PABPC4: variants seen among roughly 807,000 people sequenced by gnomAD.
The protein encoded by PABPC4 is poly(A) binding protein cytoplasmic 4.
In PABPC4, 15 loss-of-function variants were observed where a neutral mutation model predicts 74.5. The observed-to-expected ratio is 0.20, with a 90% CI of 0.13 to 0.31. The LOEUF is 0.31. PABPC4 is among the 10% of genes least tolerant of loss of function. PABPC4 has a pLI of 1.00. For synonymous variants in PABPC4, 345 were observed against 303.0 expected (o/e 1.14, Z -1.44); for missense variants, 610 against 853.5 (o/e 0.71, Z 3.55).
rs199817469 is a variant in PABPC4, at chr1:39,561,692, C to A, written c.*6G>T. 2 of 1,609,570 alleles carry A rather than the reference C, an allele frequency of 1.2e-6. No individual in the cohort carries two copies. Among genetic ancestry groups the A allele is most frequent in the South Asian group, 2.2e-5 (2 of 90,870 alleles). ...GAAAATAGCCACACATACGGTTTTT[C>A]CTTGTCTAAGAGGTAGCAGCAGCAA... On this transcript the variant is annotated 3_prime_UTR_variant, in exon 15 of 16. Transcript: ENST00000372858.
At chr1:39,571,098 A>G in intron 3 of PABPC4, 136 bp downstream of exon 3, 1 of 1,541,592 alleles carries the variant, frequency 6.5e-7, no homozygotes, top group Non-Finnish European at 8.7e-7. Flanking sequence ...GAGACTCACC[A>G]GCCCTGGAGT....
In PABPC4 at chr1:39,567,832, G is replaced by A. The variant is rs1645872323; in HGVS notation, c.891C>T (p.Tyr297=). Residue 297 remains tyrosine, a synonymous_variant, in exon 7 of 16, where the codon TAC becomes TAT. Coordinates refer to ENST00000372858, the MANE Select transcript of PABPC4 (RefSeq NM_001135653.2). ...RISRYQGVNL[Y]IKNLDDTIDD... ...CAATAGTGTCATCCAAGTTCTTAAT[G>A]TAGAGATTCACCCCCTGAAGGAAAA... is the stretch of plus-strand genomic sequence containing the variant. 4.4e-6 allele frequency: 7 copies of A among 1,579,850 alleles called. No homozygotes were observed. Among genetic ancestry groups the A allele is most frequent in the Non-Finnish European group, 6.1e-6 (7 of 1,149,120 alleles).
chr1:39,570,597 G>A (rs1557718724), intron 3 of PABPC4: 3 of 154,542 alleles, frequency 1.9e-5, no homozygotes, highest in African/African-American at 7.2e-5. Flanking sequence ...AAGACTTATT[G>A]TCTCTTCTTC....
intron 6 of PABPC4, chr1:39,568,070 A>G (rs1167369261): frequency 5.4e-6 from 2 of 372,416 alleles, no homozygotes; most frequent in East Asian, 1.2e-4. Flanking sequence ...ATCCTGGCTA[A>G]CACAGTGAAA....
In PABPC4 at chr1:39,575,850, C is replaced by T. The variant is rs1646018214; in HGVS notation, c.102G>A (p.Ala34=). The T allele has an allele frequency of 6.2e-7, 1 of 1,612,338 alleles. No individual in the cohort carries two copies. The highest frequency in any genetic ancestry group is 1.7e-5 in the Admixed American group (1 of 59,956). The part of the protein sequence containing the change: ...EAMLYEKFSP[A]GPVLSIRVCR... ...AGACCCGGATGGACAGCACAGGCCC[C>T]GCGGGGCTGAACTTTTCGTACAGCA... The change falls in exon 1 of 16, where the codon GCG becomes GCA. Residue 34 remains alanine (A), a synonymous_variant. Coordinates refer to ENST00000372858, the MANE Select transcript of PABPC4 (RefSeq NM_001135653.2).
chr1:39,571,247 T>C lies in PABPC4; in HGVS notation c.490A>G (p.Asn164Asp). The C allele has an allele frequency of 1.2e-6, 2 of 1,614,008 alleles. No homozygotes were observed. Among genetic ancestry groups the C allele is most frequent in the Non-Finnish European group, 1.7e-6 (2 of 1,179,976 alleles). The change falls in exon 3 of 16, where the codon AAT (asparagine) becomes GAT (aspartate). Residue 164 changes from asparagine to aspartate, a missense_variant. Asn to Asp is a conservative substitution (Grantham distance 23). This residue lies in a region of PABPC4 where 304 missense variants were observed against 478.9 expected (regional missense o/e 0.63). Transcript: ENST00000372858. ...TGGGACACTCACACTTTGCGGTCATTGAGGAGCATGCCATTCATCTTCTCG... is the reference window on the plus strand; with the variant it reads ...TGGGACACTCACACTTTGCGGTCATCGAGGAGCATGCCATTCATCTTCTCG... ...AIEKMNGMLLNDRKVFVGRFK... is the reference protein window; with the variant it reads ...AIEKMNGMLLDDRKVFVGRFK...
At chr1:39,569,545 C>G in intron 5 of PABPC4, 50 bp downstream of exon 5, 1 of 1,415,258 alleles carries the variant, frequency 7.1e-7, no homozygotes. Context: ...CCTACCCATA[C>G]TCTGGGGCAA....
rs780535271 is a variant in PABPC4 at position 39,575,979 on chromosome 1, C to A, written c.-28G>T. On this transcript the variant is annotated 5_prime_UTR_variant, in exon 1 of 16. Coordinates refer to ENST00000372858, the MANE Select transcript of PABPC4 (RefSeq NM_001135653.2). ...CCCCGCCCCCCACCACCCCGAGCCC[C>A]GCCAGGAGGACTTCTTATCGGGCCC... The A allele has an allele frequency of 6.3e-6, 9 of 1,437,392 alleles. No individual in the cohort carries two copies. In the East Asian group the frequency reaches 2.2e-4, roughly 36 times the overall value. The allele number at this position is 1,437,392 out of a possible 1,614,324, so 89.0% of individuals were successfully genotyped here. A position where few individuals can be genotyped will look rare whatever the true frequency, so the allele number is the denominator to read the frequency against.
intron 1 of PABPC4, among the ~76,000 whole-genome samples, chr1:39,575,041 G>A (rs555288304): frequency 1.3e-5 from 2 of 152,180 alleles, no homozygotes; most frequent in African/African-American, 2.4e-5. Flanking sequence ...CACTGTTACA[G>A]CTGAGGTGAC....
At chr1:39,561,341 A>G (rs935560124) in intron 15 of PABPC4, 24 of 346,234 alleles carry the variant, frequency 6.9e-5, no homozygotes, top group African/African-American at 5.1e-4. Flanking sequence ...GAGGCCCTTG[A>G]CAAGAGGGTC....
intron 6 of PABPC4, chr1:39,568,528 C>CAAAT: frequency 2.9e-6 from 1 of 346,374 alleles, no homozygotes; most frequent in African/African-American, 2.1e-5. Flanking sequence ...AAAGGAGTCT[C>CAAAT]ATTTAAGTAA....
chr1:39,565,677 A>C (rs1645825963), intron 7 of PABPC4, among the ~76,000 whole-genome samples: 1 of 152,050 alleles, frequency 6.6e-6, no homozygotes, highest in Non-Finnish European at 1.5e-5. Context: ...AAAATACAAA[A>C]ATCAGCTGGG....
At chr1:39,575,492 T>A (rs1199877753) in intron 1 of PABPC4, among the ~76,000 whole-genome samples, 2 of 152,196 alleles carry the variant, frequency 1.3e-5, no homozygotes, top group African/African-American at 4.8e-5. Context: ...ACTCTAATCC[T>A]GTTTTACAGT....
intron 1 of PABPC4, among the ~76,000 whole-genome samples, chr1:39,574,385 G>T (rs779715665): frequency 2.0e-5 from 3 of 152,384 alleles, no homozygotes; most frequent in Non-Finnish European, 4.4e-5. Flanking sequence ...AGCCGGCTTA[G>T]TCTGACAAAT....
At chr1:39,566,138 C>CA (rs538634568) in intron 7 of PABPC4, among the ~76,000 whole-genome samples, 118 of 152,262 alleles carry the variant, frequency 7.7e-4, no homozygotes, top group African/African-American at 2.6e-3. Context: ...ACCAGGAACT[C>CA]AAAGATGTTT....
At chr1:39,571,396 G>A in intron 2 of PABPC4, 47 bp from the exon 3 acceptor site, 2 of 1,609,254 alleles carry the variant, frequency 1.2e-6, no homozygotes, top group South Asian at 1.1e-5. Context: ...GCCAGCTCCT[G>A]AGACATGAGA....
At position 39,564,492 on chromosome 1, in the gene PABPC4, G is replaced by C; in HGVS notation, c.1384C>G (p.Leu462Val). The C allele has an allele frequency of 6.2e-7, 1 of 1,614,250 alleles. No individual in the cohort carries two copies. The highest frequency in any genetic ancestry group is 1.7e-4 in the Middle Eastern group (1 of 6,056). ...AIRQSGPRPT[L>V]RHLAPTGNAP... ...TTACCAGTTGGAGCCAGATGGCGAA[G>C]AGTTGGACGAGGCCCAGACTGGCGT... The change falls in exon 10 of 16, where the codon CTT becomes GTT. Residue 462 changes from leucine to valine, a missense_variant. By Grantham distance (32) the Leu-to-Val change is conservative. This residue lies in a region of PABPC4 where 277 missense variants were observed against 301.8 expected (regional missense o/e 0.92). Transcript: ENST00000372858.
chr1:39,575,404 G>T (rs2124016465), intron 1 of PABPC4, among the ~76,000 whole-genome samples: 1 of 152,328 alleles, frequency 6.6e-6, no homozygotes, highest in Non-Finnish European at 1.5e-5. Flanking sequence ...TGGCCAGCCT[G>T]TGAGGGGCAC....
chr1:39,570,075 C>A, intron 3 of PABPC4, 73 bp from the exon 4 acceptor site: 1 of 1,464,872 alleles, frequency 6.8e-7, no homozygotes. Flanking sequence ...CAAAGGAATA[C>A]AGGTTAAAGA....
Sources: gnomAD v4.1 joint callset for allele counts (sites outside exome capture counted in the v4.1 genomes callset) on GRCh38, gnomAD v4.1.1 for gene constraint, gnomAD v4.1.1 regional missense constraint, MANE v1.5 for transcripts, NCBI Gene and HGNC (gene_info 2026-07-23, HGNC 2026-07-21) for gene names.